The following DAB1 variants were observed in gnomAD, a reference collection of about 807,000 sequenced individuals.
DAB1 encodes the protein DAB adaptor protein 1.
Under a neutral mutation model 64.6 loss-of-function variants are expected in DAB1, and 15 were observed. The observed-to-expected ratio is 0.23, with a 90% CI of 0.16 to 0.36. The LOEUF (loss-of-function observed/expected upper bound fraction) is 0.36, where lower values mean the gene tolerates loss of function less well. Ranked by LOEUF, DAB1 falls within the 10% of genes least tolerant of loss-of-function variation. The pLI, the probability that DAB1 is intolerant of heterozygous loss-of-function variation, is 1.00. For synonymous variants in DAB1, 235 were observed against 251.9 expected (o/e 0.93, Z 0.64); for missense variants, 596 against 706.7 (o/e 0.84, Z 1.78).
At chr1:57,371,381 C>T (rs764768489) in intron 1 of DAB1, among the ~76,000 whole-genome samples, 5 of 152,142 alleles carry the variant, frequency 3.3e-5, no homozygotes, top group Non-Finnish European at 7.3e-5. Context: ...GCCAGGTAGC[C>T]GTTCAGCCAA....
At chr1:57,145,495 A>C in intron 2 of DAB1, 66 bp from the exon 3 acceptor site, 2 of 1,538,058 alleles carry the variant, frequency 1.3e-6, no homozygotes, top group Admixed American at 3.5e-5. Flanking sequence ...GAGTATCCAC[A>C]ATTCCAAGAT....
chr1:58,300,409 T>C (rs903003616), intron 4 of DAB1, among the ~76,000 whole-genome samples: 9 of 151,390 alleles, frequency 5.9e-5, no homozygotes, highest in Non-Finnish European at 1.2e-4. Context: ...TAGCCAGGCG[T>C]AGTGGCGGGT....
chr1:57,340,749 G>A (rs971243677), intron 1 of DAB1, among the ~76,000 whole-genome samples: 2 of 152,210 alleles, frequency 1.3e-5, no homozygotes, highest in Non-Finnish European at 2.9e-5. Context: ...CTAGGTGTGT[G>A]TACTCTGAGG....
chr1:58,509,520 T>C (rs1468485985), intron 2 of DAB1, among the ~76,000 whole-genome samples: 1 of 140,012 alleles, frequency 7.1e-6, no homozygotes, highest in Non-Finnish European at 1.5e-5. Flanking sequence ...TGGTTTATAA[T>C]GATAAACACC....
At chr1:58,480,897 T>A (rs1645468862) in intron 3 of DAB1, 1 of 745,416 alleles carries the variant, frequency 1.3e-6, no homozygotes. Flanking sequence ...CATCATTTTT[T>A]AAAAAGTAAC....
intron 9 of DAB1, among the ~76,000 whole-genome samples, chr1:57,028,434 T>C (rs2100408773): frequency 1.3e-5 from 2 of 152,236 alleles, no homozygotes; most frequent in South Asian, 4.1e-4. Context: ...AATGGACTAA[T>C]ACAGTAAAAT....
chr1:57,989,860 G>A (rs1484380090), intron 5 of DAB1, among the ~76,000 whole-genome samples: 5 of 152,104 alleles, frequency 3.3e-5, no homozygotes, highest in Non-Finnish European at 2.9e-5. Context: ...ATGAAAATAT[G>A]TTTGCCATTA....
At position 57,757,220 on chromosome 1, in the gene DAB1, T is replaced by TTTTTTTTTTTTTTTTTTTTTTTTG. The variant is rs200688727; in HGVS notation, n.552-107556_552-107555insCAAAAAAAAAAAAAAAAAAAAAAA. 4.7e-4 allele frequency among the ~76,000 whole-genome samples: 56 copies of TTTTTTTTTTTTTTTTTTTTTTTTG among 120,192 alleles called. 5 individuals are homozygous for TTTTTTTTTTTTTTTTTTTTTTTTG. Among genetic ancestry groups the TTTTTTTTTTTTTTTTTTTTTTTTG allele is most frequent in the South Asian group, 1.1e-3 (4 of 3,550 alleles). 78.9% of individuals were successfully genotyped at this position (120,192 alleles called of 152,430 possible). ...AGAATTTTTTTTTTTTTTTTTTTTT[T>TTTTTTTTTTTTTTTTTTTTTTTTG]AGCAGCAATGATGGAGGCTAACAGC... is the stretch of plus-strand genomic sequence containing the variant. On this transcript the variant is annotated intron_variant and non_coding_transcript_variant, in intron 6 of 20. Coordinates refer to the DAB1 transcript ENST00000485760.
chr1:57,496,206 A>G (rs1435912119), intron 7 of DAB1, among the ~76,000 whole-genome samples: 1 of 152,162 alleles, frequency 6.6e-6, no homozygotes, highest in Non-Finnish European at 1.5e-5. Flanking sequence ...CTGGGCTTTC[A>G]AAGAGCTCCT....
intron 7 of DAB1, among the ~76,000 whole-genome samples, chr1:57,453,592 T>G (rs1686472250): frequency 6.6e-6 from 1 of 152,176 alleles, no homozygotes; most frequent in Non-Finnish European, 1.5e-5. Flanking sequence ...CCAATTTCTT[T>G]GAGTCCTCAG....
At chr1:57,491,053 C>T (rs1644156508) in intron 7 of DAB1, among the ~76,000 whole-genome samples, 1 of 152,206 alleles carries the variant, frequency 6.6e-6, no homozygotes, top group African/African-American at 2.4e-5. Context: ...CAATTCCCAT[C>T]TCACTTCACA....
At chr1:58,268,702 C>T (rs747174661) in intron 4 of DAB1, among the ~76,000 whole-genome samples, 11 of 152,204 alleles carry the variant, frequency 7.2e-5, no homozygotes, top group Middle Eastern at 3.4e-3. Context: ...CCCAGAGCAA[C>T]CTACAGATTT....
chr1:57,995,608 A>G (rs1646412417), intron 5 of DAB1, among the ~76,000 whole-genome samples: 1 of 152,206 alleles, frequency 6.6e-6, no homozygotes, highest in Non-Finnish European at 1.5e-5. Context: ...AATTAGTATT[A>G]AAGTGACACA....
chr1:57,071,644 G>A lies in DAB1; in HGVS notation c.439-3C>T, dbSNP rs200624826. On this transcript the variant is annotated splice_region_variant and splice_polypyrimidine_tract_variant and intron_variant, in intron 5 of 14. Transcript: ENST00000371236. ...AAGTCCAGAATAACAGGTTCAGCCT[G>A]GGATGAAAGGTAGTAAGGCACATCA... 9.1e-4 allele frequency: 1,474 copies of A among 1,612,552 alleles called. 1 individual carries two copies. Among genetic ancestry groups the A allele is most frequent in the Non-Finnish European group, 1.1e-3 (1,336 of 1,179,744 alleles).
chr1:58,167,740 G>A (rs1178070006), intron 4 of DAB1, among the ~76,000 whole-genome samples: 2 of 152,148 alleles, frequency 1.3e-5, no homozygotes, highest in African/African-American at 4.8e-5. Context: ...AACCCACCAG[G>A]AGGAATAAAC....
chr1:57,378,243 G>A (rs545767823), intron 1 of DAB1, among the ~76,000 whole-genome samples: 1 of 152,144 alleles, frequency 6.6e-6, no homozygotes, highest in African/African-American at 2.4e-5. Flanking sequence ...TTTGCCAAAG[G>A]GGCACTGTCT....
intron 5 of DAB1, among the ~76,000 whole-genome samples, chr1:57,968,858 C>A (rs1041890209): frequency 6.6e-6 from 1 of 152,128 alleles, no homozygotes; most frequent in Non-Finnish European, 1.5e-5. Flanking sequence ...TAGAACCTAC[C>A]CAGCTATAAC....
intron 6 of DAB1, among the ~76,000 whole-genome samples, chr1:57,723,764 G>A (rs114767504): frequency 9.7e-4 from 147 of 152,236 alleles, no homozygotes; most frequent in African/African-American, 3.5e-3. Context: ...AACCCACATG[G>A]CTTTTTTTTG....
chr1:58,495,654 ACT>A (rs1348172183), intron 3 of DAB1, among the ~76,000 whole-genome samples: 1 of 151,960 alleles, frequency 6.6e-6, no homozygotes, highest in Non-Finnish European at 1.5e-5. Context: ...CAAGAACTTC[ACT>A]GACATATTGT....
Sources: allele counts gnomAD v4.1 joint callset (sites outside exome capture counted in the v4.1 genomes callset), GRCh38; gene constraint gnomAD v4.1.1; transcripts MANE v1.5; gene names NCBI Gene and HGNC (gene_info 2026-07-23, HGNC 2026-07-21).